NTRK3: variants seen among roughly 807,000 people sequenced by gnomAD.
NTRK3 encodes neurotrophic receptor tyrosine kinase 3, also known as NT-3 growth factor receptor.
A neutral mutation model predicts 91.7 loss-of-function variants in NTRK3; 24 were observed. The ratio of observed to expected loss-of-function variants is 0.26; its 90% CI spans 0.19 to 0.37. The LOEUF (loss-of-function observed/expected upper bound fraction) is 0.37. Ranked by LOEUF, NTRK3 falls within the 10% of genes least tolerant of loss-of-function variation. The pLI is 1.00. For synonymous variants in NTRK3, 483 were observed against 404.0 expected (o/e 1.20, Z -2.34); for missense variants, 880 against 1,068.9 (o/e 0.82, Z 2.46).
At chr15:88,057,123 C>T (rs1270214818) in intron 13 of NTRK3, among the ~76,000 whole-genome samples, 16 of 144,714 alleles carry the variant, frequency 1.1e-4, no homozygotes, top group Admixed American at 3.4e-4. Flanking sequence ...GAGTCGAGAT[C>T]GCGCCACTGC....
intron 3 of NTRK3, among the ~76,000 whole-genome samples, chr15:88,239,432 G>A (rs912621892): frequency 5.3e-5 from 8 of 152,108 alleles, no homozygotes; most frequent in Admixed American, 1.3e-4. Context: ...TTCTTGAGGC[G>A]CAGTCACACA....
rs62019268 is a variant in NTRK3 at position 88,183,174 on chromosome 15, G to A, written c.395+244C>T. ...ATCATGAAAGTGAACACACTTGGGTGTCAGGAGACTGACTCTCCCTCTCAG... is the reference window on the plus strand; with the variant it reads ...ATCATGAAAGTGAACACACTTGGGTATCAGGAGACTGACTCTCCCTCTCAG... On this transcript the variant is annotated intron_variant, in intron 5 of 18. Coordinates refer to ENST00000394480, the Ensembl canonical transcript of NTRK3. Among the ~76,000 whole-genome samples, 20,491 of 152,092 alleles carry A rather than the reference G, an allele frequency of 0.13. 1,690 individuals carry two copies. Among genetic ancestry groups the A allele is most frequent in the South Asian group, 0.23 (1,098 of 4,802 alleles).
At chr15:88,094,014 C>T (rs1268534572) in intron 13 of NTRK3, among the ~76,000 whole-genome samples, 1 of 152,106 alleles carries the variant, frequency 6.6e-6, no homozygotes, top group African/African-American at 2.4e-5. Context: ...GACCTAAACC[C>T]TCCCTAATTC....
chr15:88,223,049 G>A (rs2050368875), intron 3 of NTRK3, among the ~76,000 whole-genome samples: 1 of 152,172 alleles, frequency 6.6e-6, no homozygotes, highest in Non-Finnish European at 1.5e-5. Context: ...TGGCAGGAGG[G>A]TGGGCGGCAG....
At chr15:87,914,684 A>G (rs1414940748) in intron 17 of NTRK3, among the ~76,000 whole-genome samples, 1 of 152,190 alleles carries the variant, frequency 6.6e-6, no homozygotes, top group Non-Finnish European at 1.5e-5. Context: ...CAGGATGTGA[A>G]AAAATAAATA....
At chr15:88,204,884 C>T (rs1241199920) in intron 3 of NTRK3, among the ~76,000 whole-genome samples, 1 of 152,148 alleles carries the variant, frequency 6.6e-6, no homozygotes, top group African/African-American at 2.4e-5. Context: ...TGGTGAGGTA[C>T]AAGCCCCTCT....
chr15:88,150,747 G>GA (rs1427322819), intron 5 of NTRK3, among the ~76,000 whole-genome samples: 1 of 152,030 alleles, frequency 6.6e-6, no homozygotes, highest in Non-Finnish European at 1.5e-5. Flanking sequence ...CCAAGCCCCA[G>GA]AAAAAAACTT....
chr15:88,165,475 C>T (rs982147706), intron 5 of NTRK3, among the ~76,000 whole-genome samples: 5 of 152,120 alleles, frequency 3.3e-5, no homozygotes, highest in African/African-American at 1.2e-4. Context: ...AATTAACTTG[C>T]TAATCATTTT....
chr15:88,156,598 C>T (rs1357118490), intron 5 of NTRK3, among the ~76,000 whole-genome samples: 1 of 152,164 alleles, frequency 6.6e-6, no homozygotes, highest in Non-Finnish European at 1.5e-5. Flanking sequence ...TCATGCCCTT[C>T]TCCCCACCCT....
intron 14 of NTRK3, among the ~76,000 whole-genome samples, chr15:87,996,343 CT>C: frequency 6.6e-6 from 1 of 152,286 alleles, no homozygotes; most frequent in African/African-American, 2.4e-5. Context: ...TTGTGGCCCC[CT>C]GGGTTAAACG....
In NTRK3 at chr15:88,240,888, G is replaced by C. The variant is rs537424535; in HGVS notation, c.248+15018C>G. On this transcript the variant is annotated intron_variant, in intron 3 of 18. Transcript: ENST00000394480. The surrounding 1 kb of genome is among the most constrained non-coding windows in gnomAD (Gnocchi z 4.9). The stretch of plus-strand genomic sequence containing the variant: ...AGGGCAAAGCCCGAGGCCCACAAAG[G>C]TGTGGAGAGCAATGAGAATGGTGTG... Among the ~76,000 whole-genome samples, 1 of 152,248 alleles carries C rather than the reference G, an allele frequency of 6.6e-6. No individual in the cohort carries two copies. Among genetic ancestry groups the C allele is most frequent in the African/African-American group, 2.4e-5 (1 of 41,468 alleles).
At chr15:88,012,763 A>C (rs77480772) in intron 14 of NTRK3, among the ~76,000 whole-genome samples, 4,134 of 152,294 alleles carry the variant, frequency 0.027, 202 homozygotes, top group African/African-American at 0.094. Context: ...AGGAAACTAC[A>C]CCAATATCTT....
chr15:88,064,154 G>A (rs2046447754), intron 13 of NTRK3, among the ~76,000 whole-genome samples: 1 of 152,204 alleles, frequency 6.6e-6, no homozygotes, highest in African/African-American at 2.4e-5. Flanking sequence ...GCTAAGAAAT[G>A]TCTGGGCCAC....
At chr15:88,150,936 T>TG (rs546888591) in intron 5 of NTRK3, among the ~76,000 whole-genome samples, 39 of 152,290 alleles carry the variant, frequency 2.6e-4, no homozygotes, top group Non-Finnish European at 4.9e-4. Flanking sequence ...TCCTTCTAGC[T>TG]GGGGCCTCAC....
intron 14 of NTRK3, among the ~76,000 whole-genome samples, chr15:88,016,446 C>G (rs1047590698): frequency 6.6e-6 from 1 of 152,210 alleles, no homozygotes; most frequent in African/African-American, 2.4e-5. Context: ...TATGAACTTT[C>G]TCCTGGACCG....
chr15:87,911,191 A>G (rs1401261415), intron 17 of NTRK3, among the ~76,000 whole-genome samples: 1 of 152,190 alleles, frequency 6.6e-6, no homozygotes, highest in African/African-American at 2.4e-5. Flanking sequence ...GCGAAGTGGG[A>G]AAGGATTCAG....
Position 88,131,990 on chromosome 15 carries a change from C to T in NTRK3, c.1204+3111G>A, listed in dbSNP as rs1194532425. 6 of 202,510 alleles carry T rather than the reference C, an allele frequency of 3.0e-5. No individual in the cohort carries two copies. In the East Asian group the frequency reaches 3.7e-4, roughly 13 times the overall value. 12.5% of individuals were successfully genotyped at this position (202,510 alleles called of 1,614,324 possible). ...TGTGCCATGAAGGGAATACACATGT[C>T]TCCTACAGTCCCAGACCATAACTCT... On this transcript the variant is annotated intron_variant, in intron 10 of 18. Coordinates refer to ENST00000394480, the Ensembl canonical transcript of NTRK3.
intron 14 of NTRK3, among the ~76,000 whole-genome samples, chr15:87,951,001 A>T (rs2071056111): frequency 6.6e-6 from 1 of 152,168 alleles, no homozygotes; most frequent in Non-Finnish European, 1.5e-5. Context: ...AATTCTGATA[A>T]CCTGGCCCAA....
At chr15:88,216,335 C>A (rs1431152683) in intron 3 of NTRK3, among the ~76,000 whole-genome samples, 2 of 152,212 alleles carry the variant, frequency 1.3e-5, no homozygotes, top group African/African-American at 4.8e-5. Flanking sequence ...TCCTGGCCAT[C>A]CTGGGTACTG....
Sources: allele counts gnomAD v4.1 joint callset (sites outside exome capture counted in the v4.1 genomes callset), GRCh38; gene constraint gnomAD v4.1.1; non-coding constraint Gnocchi (gnomAD v3.1); transcripts MANE v1.5; gene names NCBI Gene and HGNC (gene_info 2026-07-23, HGNC 2026-07-21).